ANTKMT: variants seen among roughly 807,000 people sequenced by gnomAD.
ANTKMT encodes adenine nucleotide translocase lysine methyltransferase.
ANTKMT carries 24 observed loss-of-function variants against 20.7 expected under a neutral mutation model. The observed-to-expected ratio is 1.16, with a 90% CI of 0.84 to 1.63. The LOEUF (loss-of-function observed/expected upper bound fraction) is 1.63. Among genes scored for constraint, ANTKMT ranks in the 40% most tolerant of loss-of-function variants. ANTKMT has a pLI of 0.00. For synonymous variants in ANTKMT, 193 were observed against 161.2 expected (o/e 1.20, Z -1.49); for missense variants, 428 against 334.8 (o/e 1.28, Z -2.17).
chr16:722,542 TTC>T lies in ANTKMT; in HGVS notation c.696_697del (p.Gln233GlyfsTer?). On this transcript the variant is annotated frameshift_variant, in exon 5 of 5. Transcript: ENST00000569529. LOFTEE classifies it high-confidence loss of function. ...SSAPIPGGLI[S>X]QAS is the part of the protein sequence containing the mutation. ...CTGCCCCCATCCCGGGGGGCCTTAT[TTC>T]TCAGGCCAGCTGAGTATTAGACACG... 6.2e-7 allele frequency: 1 copy of T among 1,608,292 alleles called. No individual in the cohort carries two copies.
rs763681865 is a variant in ANTKMT, at chr16:722,372, C to A, written c.523C>A (p.Arg175Ser). The change falls in exon 5 of 5, where the codon CGC becomes AGC. Residue 175 changes from arginine (R) to serine (S), a missense_variant. Coordinates refer to ENST00000569529, the MANE Select transcript of ANTKMT (RefSeq NM_023933.3). ...TGCTGGGGCCCGCGTGGTGTCTGGG[C>A]GCTTCCCACTCCCCACCTGGCAGCC... ...LPAGARVVSG[R>S]FPLPTWQPVT... 4 of 1,603,658 alleles carry A rather than the reference C, an allele frequency of 2.5e-6. No homozygotes were observed. Among genetic ancestry groups the A allele is most frequent in the Non-Finnish European group, 3.4e-6 (4 of 1,175,742 alleles).
In ANTKMT at chr16:721,273, C is replaced by T; in HGVS notation, c.-2C>T. Reference sequence around the variant, plus strand: ...GGCGGACGAGCCGCGCGTCCCGCAGCCATGGAGCAGGACGACCCGGTCGAG... The same window carrying T: ...GGCGGACGAGCCGCGCGTCCCGCAGTCATGGAGCAGGACGACCCGGTCGAG... On this transcript the variant is annotated 5_prime_UTR_variant, in exon 1 of 5. Coordinates refer to ENST00000569529, the MANE Select transcript of ANTKMT (RefSeq NM_023933.3). The T allele has an allele frequency of 2.3e-6, 3 of 1,291,392 alleles. No homozygotes were observed. Among genetic ancestry groups the T allele is most frequent in the Non-Finnish European group, 9.8e-7 (1 of 1,020,098 alleles). 80.0% of individuals were successfully genotyped at this position (1,291,392 alleles called of 1,614,324 possible).
intron 4 of ANTKMT, 66 bp downstream of exon 4, chr16:722,200 A>C: frequency 1.3e-6 from 2 of 1,590,170 alleles, no homozygotes; most frequent in Non-Finnish European, 1.7e-6. Flanking sequence ...TGCTGCTCTG[A>C]GGCCTGGGCC....
At chr16:721,463 G>A (rs2040225674) in intron 1 of ANTKMT, 27 bp downstream of exon 1, 4 of 1,364,774 alleles carry the variant, frequency 2.9e-6, no homozygotes, top group Non-Finnish European at 3.7e-6. Context: ...GGCCGGGCAG[G>A]GGAGCTCGGC....
At chr16:721,536 T>A in intron 1 of ANTKMT, 62 bp from the exon 2 acceptor site, 1 of 1,479,062 alleles carries the variant, frequency 6.8e-7, no homozygotes, top group Admixed American at 2.4e-5. Flanking sequence ...CGTGTGGTAG[T>A]TCGGGCCGGG....
rs1051372614 is a variant in ANTKMT, at chr16:721,185, G to C, written c.-90G>C. 5.1e-6 allele frequency: 6 copies of C among 1,176,468 alleles called. No individual in the cohort carries two copies. The highest frequency in any genetic ancestry group is 3.4e-4 in the Middle Eastern group (1 of 2,946). The allele number at this position is 1,176,468 out of a possible 1,614,324, so 72.9% of individuals were successfully genotyped here. A position where few individuals can be genotyped will look rare whatever the true frequency, so the allele number is the denominator to read the frequency against. On this transcript the variant is annotated 5_prime_UTR_variant, in exon 1 of 5. Transcript: ENST00000569529. ...GCGGCGGCTCCCGGCAGGAGGCAGAGGGCACACCGCCAGCCCCAGGCCAGG... is the reference window on the plus strand; with the variant it reads ...GCGGCGGCTCCCGGCAGGAGGCAGACGGCACACCGCCAGCCCCAGGCCAGG...
intron 2 of ANTKMT, 23 bp from the exon 3 acceptor site, chr16:721,778 T>A: frequency 6.5e-7 from 1 of 1,535,646 alleles, no homozygotes; most frequent in Non-Finnish European, 8.8e-7. Flanking sequence ...ACATCCTGGT[T>A]CCCACACTCT....
intron 4 of ANTKMT, 61 bp from the exon 5 acceptor site, chr16:722,248 G>C: frequency 6.3e-7 from 1 of 1,586,156 alleles, no homozygotes; most frequent in Non-Finnish European, 8.6e-7. Flanking sequence ...AGGGGGGTGA[G>C]CGCGGCTGTT....
Position 722,074 on chromosome 16 carries a change from C to A in ANTKMT, c.409-10C>A. 6.2e-7 allele frequency: 1 copy of A among 1,602,632 alleles called. No individual in the cohort carries two copies. Among genetic ancestry groups the A allele is most frequent in the South Asian group, 1.1e-5 (1 of 89,234 alleles). On this transcript the variant is annotated splice_polypyrimidine_tract_variant and intron_variant, in intron 3 of 4. Coordinates refer to ENST00000569529, the MANE Select transcript of ANTKMT (RefSeq NM_023933.3). ...CCTCTCCCCGGCCGGGGCGACTTCTCTTCCGGCAGGTGAGCCTGAGGGACT... is the reference window on the plus strand; with the variant it reads ...CCTCTCCCCGGCCGGGGCGACTTCTATTCCGGCAGGTGAGCCTGAGGGACT...
rs372746685 is a variant in ANTKMT at position 722,544 on chromosome 16, C to G, written c.695C>G (p.Ser232Cys). Reference sequence around the variant, plus strand: ...GCCCCCATCCCGGGGGGCCTTATTTCTCAGGCCAGCTGAGTATTAGACACG... The same window carrying G: ...GCCCCCATCCCGGGGGGCCTTATTTGTCAGGCCAGCTGAGTATTAGACACG... ...SSAPIPGGLI[S>C]QAS Residue 232 changes from serine (S) to cysteine (C), a missense_variant, in exon 5 of 5, where the codon TCT becomes TGT. Transcript: ENST00000569529. 6.7e-5 allele frequency: 108 copies of G among 1,607,366 alleles called. No individual in the cohort carries two copies. Among genetic ancestry groups the G allele is most frequent in the Non-Finnish European group, 8.3e-5 (98 of 1,178,228 alleles).
chr16:722,496 A>C lies in ANTKMT; in HGVS notation c.647A>C (p.Gln216Pro), dbSNP rs745971830. ...GEAASSRIPI[Q>P]AAPGPSSAPI... ...GCCGCCTCCTCGCGGATACCCATCC[A>C]GGCTGCCCCCGGACCTAGTTCTGCC... The change falls in exon 5 of 5, where the codon CAG becomes CCG. Residue 216 changes from glutamine to proline, a missense_variant. Gln to Pro is a moderately conservative substitution (Grantham distance 76). Coordinates refer to ENST00000569529, the MANE Select transcript of ANTKMT (RefSeq NM_023933.3). 12 of 1,612,216 alleles carry C rather than the reference A, an allele frequency of 7.4e-6. No homozygotes were observed. Among genetic ancestry groups the C allele is most frequent in the Non-Finnish European group, 9.3e-6 (11 of 1,179,906 alleles).
rs2040291521 is a variant in ANTKMT at position 722,512 on chromosome 16, T to C, written c.663T>C (p.Pro221=). The C allele has an allele frequency of 6.2e-7, 1 of 1,611,940 alleles. No homozygotes were observed. The highest frequency in any genetic ancestry group is 1.3e-5 in the African/African-American group (1 of 74,848). Residue 221 remains proline (P), a synonymous_variant, in exon 5 of 5, where the codon CCT becomes CCC. Coordinates refer to ENST00000569529, the MANE Select transcript of ANTKMT (RefSeq NM_023933.3). ...TACCCATCCAGGCTGCCCCCGGACC[T>C]AGTTCTGCCCCCATCCCGGGGGGCC... The part of the protein sequence containing the change: ...SRIPIQAAPG[P]SSAPIPGGLI...
chr16:721,836 C>A lies in ANTKMT; in HGVS notation c.303C>A (p.Ala101=). 6.4e-7 allele frequency: 1 copy of A among 1,559,662 alleles called. No homozygotes were observed. The highest frequency in any genetic ancestry group is 2.4e-5 in the East Asian group (1 of 42,534). Residue 101 remains alanine, a synonymous_variant, in exon 3 of 5, where the codon GCC becomes GCA. Transcript: ENST00000569529. ...LAAHRCGLRP[A]VGYELNPWLV... ...CCCACAGGTGCGGCCTCCGCCCGGC[C>A]GTGGGCTACGAGCTGAACCCCTGGC...
rs920081758 is a variant in ANTKMT at position 721,396 on chromosome 16, T to A, written c.122T>A (p.Leu41Gln). 5 of 1,297,454 alleles carry A rather than the reference T, an allele frequency of 3.9e-6. No individual in the cohort carries two copies. The African/African-American group carries it at 4.7e-5, about 12-fold the overall frequency. 80.4% of individuals were successfully genotyped at this position (1,297,454 alleles called of 1,614,324 possible). ...GLAAYAVWAL[L>Q]LQPGFRRVPL... ...GCAGCCTACGCGGTGTGGGCGCTGC[T>A]GCTCCAGCCCGGCTTCCGGCGCGTG... Residue 41 changes from leucine (L) to glutamine (Q), a missense_variant, in exon 1 of 5, where the codon CTG (leucine) becomes CAG (glutamine). Coordinates refer to ENST00000569529, the MANE Select transcript of ANTKMT (RefSeq NM_023933.3).
At chr16:722,281 C>A in intron 4 of ANTKMT, 28 bp from the exon 5 acceptor site, 2 of 1,600,762 alleles carry the variant, frequency 1.2e-6, no homozygotes, top group South Asian at 1.1e-5. Flanking sequence ...CGCCCCCGCC[C>A]CCTCTACTCT....
Position 722,323 on chromosome 16 carries a change from G to A in ANTKMT, c.474G>A (p.Glu158=), listed in dbSNP as rs1282294197. ...FLAPSVLPLL[E]DKLRTELPAG... Reference sequence around the variant, plus strand: ...CTCTCCCTCAGCTCCCGCTGCTGGAGGACAAGCTGCGGACAGAGCTGCCTG... The same window carrying A: ...CTCTCCCTCAGCTCCCGCTGCTGGAAGACAAGCTGCGGACAGAGCTGCCTG... The change falls in exon 5 of 5, where the codon GAG becomes GAA. Residue 158 remains glutamate (E), a synonymous_variant. Coordinates refer to ENST00000569529, the MANE Select transcript of ANTKMT (RefSeq NM_023933.3). 1 of 1,609,136 alleles carries A rather than the reference G, an allele frequency of 6.2e-7. No individual in the cohort carries two copies. The highest frequency in any genetic ancestry group is 1.7e-5 in the Admixed American group (1 of 59,558).
rs549308134 is a variant in ANTKMT at position 721,711 on chromosome 16, C to G, written c.267+9C>G. 9.7e-6 allele frequency: 15 copies of G among 1,548,298 alleles called. No homozygotes were observed. The East Asian group carries it at 3.4e-4, about 36-fold the overall frequency. On this transcript the variant is annotated intron_variant, in intron 2 of 4. Coordinates refer to ENST00000569529, the MANE Select transcript of ANTKMT (RefSeq NM_023933.3). ...CTGGCGACGGCAGGATCGTAAGTGC[C>G]TGCGTCTGGGTCTTCGCCGCCCCAC...
At position 722,238 on chromosome 16, in the gene ANTKMT, AG is replaced by A. The variant is rs760469064; in HGVS notation, c.460-65del. 3.8e-6 allele frequency: 6 copies of A among 1,584,108 alleles called. No individual in the cohort carries two copies. In the East Asian group the frequency reaches 7.0e-5, roughly 18 times the overall value. Reference sequence around the variant, plus strand: ...CCTGGTGGGTGCTAGGCTTGGGGCTAGGGGGGTGAGCGCGGCTGTTTTCTAC... The same window carrying A: ...CCTGGTGGGTGCTAGGCTTGGGGCTAGGGGGTGAGCGCGGCTGTTTTCTAC... On this transcript the variant is annotated intron_variant, in intron 4 of 4. Transcript: ENST00000569529.
chr16:722,410 TGGCGAG>T lies in ANTKMT; in HGVS notation c.565_570del (p.Glu189_Gly190del). The T allele has an allele frequency of 6.2e-7, 1 of 1,605,274 alleles. No homozygotes were observed. Among genetic ancestry groups the T allele is most frequent in the South Asian group, 1.1e-5 (1 of 90,032 alleles). On this transcript the variant is annotated inframe_deletion, in exon 5 of 5. Transcript: ENST00000569529. ...CCACCTGGCAGCCTGTGACCGCGGT[TGGCGAG>T]GGCCTGGACCGAGTATGGGCTTATG...
Sources: allele counts gnomAD v4.1 joint callset, GRCh38; gene constraint gnomAD v4.1.1; transcripts MANE v1.5; gene names NCBI Gene and HGNC (gene_info 2026-07-23, HGNC 2026-07-21).